The following MYO16 variants were observed in gnomAD, a reference collection of about 807,000 sequenced individuals.
MYO16 encodes the protein myosin XVI.
MYO16 carries 94 observed loss-of-function variants against 205.3 expected under a neutral mutation model. The ratio of observed to expected loss-of-function variants is 0.46; its 90% confidence interval spans 0.39 to 0.54. The LOEUF (loss-of-function observed/expected upper bound fraction) is 0.54, where lower values mean the gene tolerates loss of function less well. Among genes scored for constraint, MYO16 ranks in the 20% least tolerant of loss-of-function variants. The pLI is 0.00. For missense variants in MYO16, 2,315 were observed against 2,387.5 expected, an observed-to-expected ratio of 0.97 and a Z score of 0.63; for synonymous variants, 988 against 954.0, an observed-to-expected ratio of 1.04 and a Z score of -0.66.
chr13:108,580,955 T>A, the MYO16 span, among the ~76,000 whole-genome samples: 1 of 152,326 alleles, frequency 6.6e-6, no homozygotes, highest in African/African-American at 2.4e-5. Context: ...AGTGCATTAA[T>A]TGTTTTATAA....
intron 2 of MYO16, among the ~76,000 whole-genome samples, chr13:108,668,178 T>C (rs1007130174): frequency 1.3e-5 from 2 of 152,204 alleles, no homozygotes; most frequent in African/African-American, 4.8e-5. Context: ...AAGCAGTTAT[T>C]ATATAAGTTA....
chr13:108,978,429 A>G (rs568096762), intron 20 of MYO16, among the ~76,000 whole-genome samples: 1 of 152,174 alleles, frequency 6.6e-6, no homozygotes, highest in South Asian at 2.1e-4. Flanking sequence ...AGTGTTTTCA[A>G]TCATGGATGG....
At chr13:108,867,992 A>G (rs1878805772) in intron 12 of MYO16, among the ~76,000 whole-genome samples, 1 of 152,230 alleles carries the variant, frequency 6.6e-6, no homozygotes, top group Non-Finnish European at 1.5e-5. Context: ...GTAGCAATAC[A>G]ATAAGTACAA....
intron 27 of MYO16, among the ~76,000 whole-genome samples, chr13:109,080,090 G>A (rs185398369): frequency 3.7e-4 from 37 of 100,438 alleles, no homozygotes; most frequent in African/African-American, 1.2e-3. Context: ...TGGTCAGGCT[G>A]GTCTCAAAAC....
rs554174137 is a variant in MYO16, at chr13:108,951,821, G to A, written c.1926-5867G>A. Among the ~76,000 whole-genome samples, 190 of 152,192 alleles carry A rather than the reference G, an allele frequency of 1.2e-3. 1 individual carries two copies. The highest frequency in any genetic ancestry group is 4.4e-3 in the African/African-American group (183 of 41,528). Reference sequence around the variant, plus strand: ...TCACTGCTTAAAAAATACAACTATCGGCCTGGCGTGGTGGCGCATGCCTGT... The same window carrying A: ...TCACTGCTTAAAAAATACAACTATCAGCCTGGCGTGGTGGCGCATGCCTGT... On this transcript the variant is annotated intron_variant, in intron 16 of 34. Transcript: ENST00000457511.
intron 27 of MYO16, among the ~76,000 whole-genome samples, chr13:109,091,814 G>A (rs1293418474): frequency 1.3e-5 from 2 of 152,074 alleles, no homozygotes; most frequent in African/African-American, 4.8e-5. Flanking sequence ...GGAAGAGCAC[G>A]AGGTTAATGG....
chr13:108,963,563 C>T (rs1883670748), intron 19 of MYO16, among the ~76,000 whole-genome samples: 1 of 152,150 alleles, frequency 6.6e-6, no homozygotes, highest in Non-Finnish European at 1.5e-5. Context: ...TCAACTTGCC[C>T]TCCTTCCACA....
At position 108,761,300 on chromosome 13, in the gene MYO16, C is replaced by T. The variant is rs7337532; in HGVS notation, c.508-24335C>T. On this transcript the variant is annotated intron_variant, in intron 4 of 34. Coordinates refer to ENST00000457511, the MANE Select transcript of MYO16 (RefSeq NM_001198950.3). ...GCGGCAGTGCTCTGATGTCTTATGCCGTCCTAAGAGGGACCTAGAGTACAC... is the reference window on the plus strand; with the variant it reads ...GCGGCAGTGCTCTGATGTCTTATGCTGTCCTAAGAGGGACCTAGAGTACAC... Among the ~76,000 whole-genome samples, 356 of 151,900 alleles carry T rather than the reference C, an allele frequency of 2.3e-3. 1 individual carries two copies. Among genetic ancestry groups the T allele is most frequent in the African/African-American group, 8.3e-3 (342 of 41,378 alleles).
intron 28 of MYO16, among the ~76,000 whole-genome samples, chr13:109,105,705 C>T (rs1044822046): frequency 6.6e-6 from 1 of 152,182 alleles, no homozygotes; most frequent in African/African-American, 2.4e-5. Flanking sequence ...CTGTAAGTCA[C>T]ACTGCATTTT....
At chr13:108,547,399 G>A in the MYO16 span, among the ~76,000 whole-genome samples, 4 of 152,098 alleles carry the variant, frequency 2.6e-5, no homozygotes, top group Admixed American at 2.0e-4. Context: ...AGGTTGGGTG[G>A]GGGGCCCCTG....
chr13:108,943,986 G>A (rs1268462540), intron 16 of MYO16, among the ~76,000 whole-genome samples: 1 of 152,242 alleles, frequency 6.6e-6, no homozygotes, highest in Non-Finnish European at 1.5e-5. Context: ...TTAGTGGGAA[G>A]TGAGAAGGAC....
At chr13:109,027,346 G>A (rs779622575) in intron 23 of MYO16, among the ~76,000 whole-genome samples, 10 of 152,140 alleles carry the variant, frequency 6.6e-5, no homozygotes, top group Non-Finnish European at 1.3e-4. Flanking sequence ...GCCAAATAAG[G>A]TCATATTCTG....
intron 1 of MYO16, among the ~76,000 whole-genome samples, chr13:108,643,540 G>A (rs1033505142): frequency 2.0e-5 from 3 of 152,152 alleles, no homozygotes; most frequent in African/African-American, 7.2e-5. Context: ...GCTGGGTATG[G>A]CAAGTGTGTT....
At chr13:108,610,428 C>T (rs1236426842) in intron 1 of MYO16, among the ~76,000 whole-genome samples, 2 of 152,060 alleles carry the variant, frequency 1.3e-5, no homozygotes, top group Non-Finnish European at 2.9e-5. Context: ...GGACCTGGAG[C>T]GCTTTGTGGG....
intron 27 of MYO16, among the ~76,000 whole-genome samples, chr13:109,095,035 T>C (rs1888735798): frequency 6.6e-6 from 1 of 152,206 alleles, no homozygotes; most frequent in African/African-American, 2.4e-5. Flanking sequence ...GCTCAGTCAA[T>C]ACTGGTGAAT....
chr13:108,887,031 A>G (rs753668294), intron 13 of MYO16, among the ~76,000 whole-genome samples: 3 of 152,110 alleles, frequency 2.0e-5, no homozygotes, highest in East Asian at 1.9e-4. Context: ...ATTCAACTTA[A>G]TAAGTTGTTA....
the MYO16 span, among the ~76,000 whole-genome samples, chr13:108,500,206 GTTTTT>G: frequency 1.7e-4 from 2 of 11,946 alleles, no homozygotes; most frequent in East Asian, 2.2e-3. Context: ...GTTGATTCCT[GTTTTT>G]TTTTTTTTTG....
chr13:108,837,722 T>G (rs1041238150), intron 9 of MYO16, among the ~76,000 whole-genome samples: 5 of 152,168 alleles, frequency 3.3e-5, no homozygotes, highest in African/African-American at 4.8e-5. Context: ...AAGCCAATCT[T>G]TTTTCCAACT....
chr13:108,624,234 G>A (rs1399495414), intron 1 of MYO16, among the ~76,000 whole-genome samples: 1 of 152,132 alleles, frequency 6.6e-6, no homozygotes, highest in Non-Finnish European at 1.5e-5. Context: ...AATGTATAGA[G>A]ATCTGTTCAA....
Sources: gnomAD v4.1 joint callset for allele counts (sites outside exome capture counted in the v4.1 genomes callset) on GRCh38, gnomAD v4.1.1 for gene constraint, MANE v1.5 for transcripts, NCBI Gene and HGNC (gene_info 2026-07-23, HGNC 2026-07-21) for gene names.